UBE3C: variants seen among roughly 807,000 people sequenced by gnomAD.
The protein encoded by UBE3C is ubiquitin protein ligase E3C, also known as ubiquitin-protein ligase E3C.
In UBE3C, 42 loss-of-function variants were observed where a neutral mutation model predicts 129.4. The ratio of observed to expected loss-of-function variants is 0.32; its 90% CI spans 0.25 to 0.42. UBE3C has a LOEUF of 0.42. Ranked by LOEUF, UBE3C falls within the 10% of genes least tolerant of loss-of-function variation. The pLI is 1.00. For missense variants in UBE3C, 1,049 were observed against 1,319.1 expected (o/e 0.80, Z 3.17); for synonymous variants, 510 against 492.4 (o/e 1.04, Z -0.47).
chr7:157,141,072 A>T (rs1807433216), intron 1 of UBE3C, among the ~76,000 whole-genome samples: 1 of 152,146 alleles, frequency 6.6e-6, no homozygotes, highest in African/African-American at 2.4e-5. Flanking sequence ...TGGTGGCTGC[A>T]GGCTGCTGCC....
chr7:157,175,988 G>A (rs540874902), intron 5 of UBE3C, among the ~76,000 whole-genome samples: 48 of 152,120 alleles, frequency 3.2e-4, no homozygotes, highest in Non-Finnish European at 5.9e-4. Context: ...AAGGAATCAT[G>A]CTTCACTCAA....
At chr7:157,232,555 T>G (rs1796049115) in intron 18 of UBE3C, among the ~76,000 whole-genome samples, 1 of 152,214 alleles carries the variant, frequency 6.6e-6, no homozygotes, top group Admixed American at 6.5e-5. Context: ...TTCCACCATG[T>G]TGTCCAGAAT....
At chr7:157,147,286 T>C (rs758988758) in intron 1 of UBE3C, among the ~76,000 whole-genome samples, 1 of 152,226 alleles carries the variant, frequency 6.6e-6, no homozygotes. Context: ...TTTTAAGGGG[T>C]GCTAATGTGA....
intron 1 of UBE3C, among the ~76,000 whole-genome samples, chr7:157,152,185 G>A (rs1807774018): frequency 6.7e-6 from 1 of 150,008 alleles, no homozygotes; most frequent in Non-Finnish European, 1.5e-5. Context: ...AGAAGGCTGG[G>A]AGGAAGGTAG....
Position 157,248,513 on chromosome 7 carries a change from A to T in UBE3C, c.2627A>T (p.Tyr876Phe), listed in dbSNP as rs1796537863. ...VYKNLLFLKS[Y>F]EDDVEELGLN... ...AAGAATTTGCTCTTTCTGAAGAGCT[A>T]CGAAGACGATGTGGAGGAGCTTGGG... Residue 876 changes from tyrosine to phenylalanine, a missense_variant, in exon 19 of 23, where the codon TAC becomes TTC. Tyr to Phe is a conservative substitution (Grantham distance 22). This residue lies in a region of UBE3C where 243 missense variants were observed against 368.7 expected (regional missense o/e 0.66). Coordinates refer to ENST00000348165, the MANE Select transcript of UBE3C (RefSeq NM_014671.3). 1 of 1,613,156 alleles carries T rather than the reference A, an allele frequency of 6.2e-7. No individual in the cohort carries two copies. The highest frequency in any genetic ancestry group is 1.3e-5 in the African/African-American group (1 of 74,882).
chr7:157,246,694 G>A (rs1002743705), intron 18 of UBE3C, among the ~76,000 whole-genome samples: 2 of 152,018 alleles, frequency 1.3e-5, no homozygotes, highest in African/African-American at 2.4e-5. Flanking sequence ...CCTTCCTGCC[G>A]TCCCTCATTC....
At position 157,263,860 on chromosome 7, in the gene UBE3C, AT is replaced by A. The variant is rs778927608; in HGVS notation, c.3082-3718del. ...TATATTTCCTCCCATTCTAACCATTATTTTTTTATGTTTCCTTCCTTTAATT... is the reference window on the plus strand; with the variant it reads ...TATATTTCCTCCCATTCTAACCATTATTTTTTATGTTTCCTTCCTTTAATT... On this transcript the variant is annotated intron_variant, in intron 22 of 22. Transcript: ENST00000348165. 2.7e-5 allele frequency among the ~76,000 whole-genome samples: 4 copies of A among 149,470 alleles called. No homozygotes were observed. The East Asian group carries it at 5.9e-4, about 22-fold the overall frequency.
chr7:157,223,712 G>A (rs1307323102), intron 16 of UBE3C, among the ~76,000 whole-genome samples: 1 of 152,108 alleles, frequency 6.6e-6, no homozygotes, highest in Non-Finnish European at 1.5e-5. Flanking sequence ...TCGAGCCCAT[G>A]AGTTTAAGAC....
intron 18 of UBE3C, among the ~76,000 whole-genome samples, chr7:157,248,020 A>G (rs1342020153): frequency 1.3e-5 from 2 of 152,108 alleles, no homozygotes; most frequent in Non-Finnish European, 2.9e-5. Context: ...CCACCTTGGG[A>G]GACTAACAAA....
chr7:157,196,558 G>A (rs1186102105), intron 10 of UBE3C, among the ~76,000 whole-genome samples: 1 of 152,224 alleles, frequency 6.6e-6, no homozygotes, highest in Non-Finnish European at 1.5e-5. Flanking sequence ...TATATAGTGA[G>A]TTTCCTAGAA....
chr7:157,207,477 T>C lies in UBE3C; in HGVS notation c.1498T>C (p.Phe500Leu), dbSNP rs758738398. The change falls in exon 12 of 23, where the codon TTT becomes CTT. Residue 500 changes from phenylalanine to leucine, a missense_variant. Coordinates refer to ENST00000348165, the MANE Select transcript of UBE3C (RefSeq NM_014671.3). ...FEDSSRIIPL[F>L]YLFSSLFSHS... ...AGATTCTAGTCGAATCATCCCACTC[T>C]TTTATCTTTTTAGCTCCTTGTTTAG... 5 of 1,613,836 alleles carry C rather than the reference T, an allele frequency of 3.1e-6. No homozygotes were observed. In the East Asian group the frequency reaches 1.1e-4, roughly 36 times the overall value.
At chr7:157,155,429 G>A (rs1807874802) in intron 1 of UBE3C, among the ~76,000 whole-genome samples, 1 of 152,090 alleles carries the variant, frequency 6.6e-6, no homozygotes. Flanking sequence ...AGTTTTTTGG[G>A]GTTTTTTTTA....
At chr7:157,256,848 T>A in intron 21 of UBE3C, 66 bp from the exon 22 acceptor site, 1 of 1,598,106 alleles carries the variant, frequency 6.3e-7, no homozygotes, top group Non-Finnish European at 8.5e-7. Context: ...TCTGGACCAA[T>A]CCCTGTGGGT....
intron 1 of UBE3C, among the ~76,000 whole-genome samples, chr7:157,152,370 C>T (rs1807781084): frequency 6.6e-6 from 1 of 152,006 alleles, no homozygotes; most frequent in Non-Finnish European, 1.5e-5. Context: ...GCGTGGGGGG[C>T]AGTTTGGGTG....
At chr7:157,171,222 C>T (rs1247211726) in intron 4 of UBE3C, among the ~76,000 whole-genome samples, 2 of 152,084 alleles carry the variant, frequency 1.3e-5, no homozygotes, top group African/African-American at 4.8e-5. Context: ...CCCTCCCGGG[C>T]TCAAGCAATC....
chr7:157,159,522 T>C (rs530075273), intron 1 of UBE3C, among the ~76,000 whole-genome samples: 3 of 152,278 alleles, frequency 2.0e-5, no homozygotes, highest in African/African-American at 7.2e-5. Context: ...CAAAATGGCA[T>C]TTTGGTTAGG....
intron 17 of UBE3C, among the ~76,000 whole-genome samples, chr7:157,227,062 A>T (rs929029042): frequency 3.9e-5 from 6 of 152,214 alleles, no homozygotes; most frequent in Non-Finnish European, 8.8e-5. Flanking sequence ...AGGTCTTTAC[A>T]GCTTGGGATG....
chr7:157,218,233 C>T (rs1392314939), intron 14 of UBE3C, among the ~76,000 whole-genome samples: 1 of 151,912 alleles, frequency 6.6e-6, no homozygotes, highest in African/African-American at 2.4e-5. Flanking sequence ...ATTGCCTGAG[C>T]TTAGGAGTTT....
At chr7:157,192,826 C>T in intron 10 of UBE3C, 1 of 1,150,516 alleles carries the variant, frequency 8.7e-7, no homozygotes, top group Non-Finnish European at 1.3e-6. Context: ...AACCAGAAGA[C>T]AAGTAACTGC....
Sources: gnomAD v4.1 joint callset for allele counts (sites outside exome capture counted in the v4.1 genomes callset) on GRCh38, gnomAD v4.1.1 for gene constraint, gnomAD v4.1.1 regional missense constraint, MANE v1.5 for transcripts, NCBI Gene and HGNC (gene_info 2026-07-23, HGNC 2026-07-21) for gene names.